EGFR: variants seen among roughly 807,000 people sequenced by gnomAD.
EGFR encodes the protein epidermal growth factor receptor.
A neutral mutation model predicts 143.0 loss-of-function variants in EGFR; 58 were observed. That is an observed-to-expected ratio of 0.41 (90% CI 0.33 to 0.50). The LOEUF (loss-of-function observed/expected upper bound fraction) is 0.50. EGFR is among the 20% of genes least tolerant of loss of function. The pLI is 0.39. For missense variants in EGFR, 1,307 were observed against 1,579.0 expected, an observed-to-expected ratio of 0.83 and a Z score of 2.92; for synonymous variants, 613 against 594.4, an observed-to-expected ratio of 1.03 and a Z score of -0.45.
chr7:55,116,089 GA>G (rs1792825165), intron 1 of EGFR, among the ~76,000 whole-genome samples: 1 of 152,300 alleles, frequency 6.6e-6, no homozygotes, highest in Admixed American at 6.5e-5. Flanking sequence ...TTTAATACCT[GA>G]AAACATGCTT....
intron 15 of EGFR, among the ~76,000 whole-genome samples, chr7:55,169,225 C>G (rs368015537): frequency 6.6e-6 from 1 of 152,000 alleles, no homozygotes. Context: ...TTCAGCCTCC[C>G]GAGTAGCTGG....
rs887421505 is a variant in EGFR at position 55,207,751 on chromosome 7, G to A, written c.*2134G>A. 3 of 152,376 alleles carry A rather than the reference G, an allele frequency of 2.0e-5. No individual in the cohort carries two copies. The highest frequency in any genetic ancestry group is 7.2e-5 in the African/African-American group (3 of 41,478). 9.4% of individuals were successfully genotyped at this position (152,376 alleles called of 1,614,324 possible). On this transcript the variant is annotated 3_prime_UTR_variant, in exon 28 of 28. Coordinates refer to ENST00000275493, the MANE Select transcript of EGFR (RefSeq NM_005228.5). Reference sequence around the variant, plus strand: ...CTCTAAGCCAGGGGATGAGCTTGGAGCATCCCACAAGTTCCCTAAAAGTTG... The same window carrying A: ...CTCTAAGCCAGGGGATGAGCTTGGAACATCCCACAAGTTCCCTAAAAGTTG...
chr7:55,173,129 G>A lies in EGFR; in HGVS notation c.2061+5G>A, dbSNP rs1237627217. On this transcript the variant is annotated splice_donor_5th_base_variant and intron_variant, in intron 17 of 27. Transcript: ENST00000275493. Reference sequence around the variant, plus strand: ...AGGCTGCTGCAGGAGAGGGAGGTGAGTGCCAGTCCTGGGTGGGCTCAGGAG... The same window carrying A: ...AGGCTGCTGCAGGAGAGGGAGGTGAATGCCAGTCCTGGGTGGGCTCAGGAG... 1 of 1,609,144 alleles carries A rather than the reference G, an allele frequency of 6.2e-7. No homozygotes were observed. The highest frequency in any genetic ancestry group is 2.2e-5 in the East Asian group (1 of 44,894).
chr7:55,205,341 C>T lies in EGFR; in HGVS notation c.3357C>T (p.Pro1119=), dbSNP rs2128975215. The T allele has an allele frequency of 6.2e-7, 1 of 1,612,962 alleles. No homozygotes were observed. Among genetic ancestry groups the T allele is most frequent in the Non-Finnish European group, 8.5e-7 (1 of 1,179,204 alleles). ...VYHNQPLNPA[P]SRDPHYQDPH... ...ACAATCAGCCTCTGAACCCCGCGCC[C>T]AGCAGAGACCCACACTACCAGGACC... Residue 1119 remains proline (P), a synonymous_variant, in exon 28 of 28, where the codon CCC becomes CCT. Transcript: ENST00000275493.
intron 19 of EGFR, among the ~76,000 whole-genome samples, chr7:55,178,400 C>G (rs977401459): frequency 6.6e-6 from 1 of 152,204 alleles, no homozygotes; most frequent in Non-Finnish European, 1.5e-5. Context: ...GTGTCTCCCA[C>G]GTCTAAAGTC....
At chr7:55,031,782 G>A (rs1352679498) in intron 1 of EGFR, among the ~76,000 whole-genome samples, 1 of 152,218 alleles carries the variant, frequency 6.6e-6, no homozygotes, top group Non-Finnish European at 1.5e-5. Context: ...GGGTGCTAAG[G>A]CAAAGAGAGT....
rs192942035 is a variant in EGFR at position 55,035,920 on chromosome 7, T to C, written c.88+16555T>C. Among the ~76,000 whole-genome samples, 369 of 152,218 alleles carry C rather than the reference T, an allele frequency of 2.4e-3. 2 individuals carry two copies. The highest frequency in any genetic ancestry group is 8.7e-3 in the African/African-American group (362 of 41,524). On this transcript the variant is annotated intron_variant, in intron 1 of 27. Coordinates refer to ENST00000275493, the MANE Select transcript of EGFR (RefSeq NM_005228.5). ...TTAGTAGCAAAGTTTTGTATATTTA[T>C]TTTGATATCATTATCTAAGTTTGAC...
At chr7:55,046,449 G>A (rs1788179811) in intron 1 of EGFR, among the ~76,000 whole-genome samples, 1 of 152,182 alleles carries the variant, frequency 6.6e-6, no homozygotes, top group African/African-American at 2.4e-5. Flanking sequence ...CTGTGGAAGT[G>A]TCACTGACCT....
At chr7:55,186,599 C>T (rs1037434984) in intron 20 of EGFR, among the ~76,000 whole-genome samples, 4 of 152,182 alleles carry the variant, frequency 2.6e-5, no homozygotes, top group Admixed American at 2.6e-4. Flanking sequence ...AGGGTCGCAG[C>T]TAAACTTAAC....
At chr7:55,156,427 G>T (rs2128937917) in intron 8 of EGFR, 106 bp from the exon 9 acceptor site, 1 of 1,496,086 alleles carries the variant, frequency 6.7e-7, no homozygotes, top group Non-Finnish European at 9.2e-7. Context: ...TGGCAGTGGC[G>T]GTTCCGGTGA....
At chr7:55,098,956 A>T (rs1791642213) in intron 1 of EGFR, among the ~76,000 whole-genome samples, 1 of 152,136 alleles carries the variant, frequency 6.6e-6, no homozygotes, top group East Asian at 1.9e-4. Flanking sequence ...CAGGAGCCTC[A>T]GGTGGCCTCT....
chr7:55,124,877 T>C (rs745905598), intron 1 of EGFR, among the ~76,000 whole-genome samples: 1 of 152,250 alleles, frequency 6.6e-6, no homozygotes, highest in Non-Finnish European at 1.5e-5. Context: ...CTTCTATCTT[T>C]CTGTAGCTAA....
chr7:55,179,401 A>G (rs1395834064), intron 19 of EGFR, among the ~76,000 whole-genome samples: 1 of 152,234 alleles, frequency 6.6e-6, no homozygotes, highest in Non-Finnish European at 1.5e-5. Flanking sequence ...GAAAAACTGC[A>G]AGATACCAGG....
intron 4 of EGFR, among the ~76,000 whole-genome samples, chr7:55,150,398 G>A (rs930167781): frequency 7.9e-5 from 12 of 152,164 alleles, no homozygotes; most frequent in African/African-American, 1.9e-4. Flanking sequence ...GCACCAGCGC[G>A]GCAATTAGCG....
intron 1 of EGFR, among the ~76,000 whole-genome samples, chr7:55,103,877 A>C (rs1472304461): frequency 6.6e-6 from 1 of 152,242 alleles, no homozygotes; most frequent in Non-Finnish European, 1.5e-5. Flanking sequence ...TGCTGCATAG[A>C]AGGCTCACAT....
intron 27 of EGFR, among the ~76,000 whole-genome samples, chr7:55,203,787 A>C (rs1406552225): frequency 6.7e-6 from 1 of 150,308 alleles, no homozygotes; most frequent in Non-Finnish European, 1.5e-5. Context: ...GTGCATATAC[A>C]CACCCACACC....
chr7:55,106,809 A>C (rs1198964608), intron 1 of EGFR, among the ~76,000 whole-genome samples: 1 of 152,092 alleles, frequency 6.6e-6, no homozygotes, highest in Non-Finnish European at 1.5e-5. Flanking sequence ...GTACACTGTA[A>C]AGTGTACATT....
intron 23 of EGFR, among the ~76,000 whole-genome samples, chr7:55,199,760 G>A (rs924415934): frequency 2.7e-5 from 4 of 150,258 alleles, no homozygotes; most frequent in Non-Finnish European, 5.9e-5. Flanking sequence ...TCCTCCTGTG[G>A]AAGTTGCCAG....
intron 27 of EGFR, among the ~76,000 whole-genome samples, chr7:55,204,039 T>C (rs1271309557): frequency 6.6e-6 from 1 of 151,510 alleles, no homozygotes; most frequent in Admixed American, 6.6e-5. Context: ...ATATCTAATA[T>C]ATAGTTTATT....
Sources: gnomAD v4.1 joint callset for allele counts (sites outside exome capture counted in the v4.1 genomes callset) on GRCh38, gnomAD v4.1.1 for gene constraint, MANE v1.5 for transcripts, NCBI Gene and HGNC (gene_info 2026-07-23, HGNC 2026-07-21) for gene names.